Variants in CSE1L observed in about 807,000 individuals in gnomAD.
The protein encoded by CSE1L is exportin-2.
Under a neutral mutation model 120.4 loss-of-function variants are expected in CSE1L, and 24 were observed. The ratio of observed to expected loss-of-function variants is 0.20; its 90% confidence interval spans 0.14 to 0.28. CSE1L has a LOEUF of 0.28. CSE1L is among the 10% of genes least tolerant of loss of function. The pLI is 1.00. For synonymous variants in CSE1L, 402 were observed against 398.3 expected, an observed-to-expected ratio of 1.01 and a Z score of -0.11; for missense variants, 830 against 1,145.2, an observed-to-expected ratio of 0.72 and a Z score of 3.97.
At chr20:49,086,166 C>G (rs761506323) in intron 16 of CSE1L, among the ~76,000 whole-genome samples, 1 of 152,030 alleles carries the variant, frequency 6.6e-6, no homozygotes, top group Non-Finnish European at 1.5e-5. Context: ...GAGATAGTCT[C>G]AGTGTTTTTC....
intron 14 of CSE1L, among the ~76,000 whole-genome samples, chr20:49,083,011 CT>C (rs11478194): frequency 0.1 from 14,803 of 146,326 alleles, 982 homozygotes; most frequent in African/African-American, 0.19. Context: ...TCCTTAACAT[CT>C]TTTTTTTTTT....
intron 21 of CSE1L, 47 bp from the exon 22 acceptor site, chr20:49,091,999 T>G (rs752923271): frequency 9.9e-7 from 1 of 1,011,638 alleles, no homozygotes; most frequent in East Asian, 2.4e-5. Flanking sequence ...GTTACCAGTT[T>G]AGTGCGTGAG....
At chr20:49,046,836 C>A (rs996550169) in intron 1 of CSE1L, among the ~76,000 whole-genome samples, 5 of 152,234 alleles carry the variant, frequency 3.3e-5, no homozygotes, top group Admixed American at 3.3e-4. Context: ...CTGCTAGCCG[C>A]GCGAGCTGAG....
intron 1 of CSE1L, among the ~76,000 whole-genome samples, chr20:49,055,297 A>G (rs1485236700): frequency 1.3e-5 from 2 of 152,036 alleles, no homozygotes; most frequent in Non-Finnish European, 2.9e-5. Context: ...TTATTTTTGG[A>G]TTTCATCACT....
At chr20:49,078,296 G>T (rs977356553) in intron 13 of CSE1L, among the ~76,000 whole-genome samples, 1 of 152,110 alleles carries the variant, frequency 6.6e-6, no homozygotes, top group Non-Finnish European at 1.5e-5. Flanking sequence ...GGGAATGTAG[G>T]TAGACATGCT....
At position 49,065,304 on chromosome 20, in the gene CSE1L, GAAAA is replaced by G. The variant is rs73623295; in HGVS notation, c.229-882_229-879del. ...GTCCTGATTAGTTTACATATGAAATGAAAAAAAAATTTTTTTTTTTTTTTTTTTT... is the reference window on the plus strand; with the variant it reads ...GTCCTGATTAGTTTACATATGAAATGAAAAATTTTTTTTTTTTTTTTTTTT... On this transcript the variant is annotated intron_variant, in intron 3 of 24. Coordinates refer to ENST00000262982, the MANE Select transcript of CSE1L (RefSeq NM_001316.4). Among the ~76,000 whole-genome samples the G allele has an allele frequency of 1.6e-3, 115 of 73,166 alleles. 1 individual carries two copies. Among genetic ancestry groups the G allele is most frequent in the African/African-American group, 4.5e-3 (96 of 21,428 alleles). The allele number at this position is 73,166 out of a possible 152,430, so 48.0% of individuals were successfully genotyped here. A position where few individuals can be genotyped will look rare whatever the true frequency, so the allele number is the denominator to read the frequency against.
At chr20:49,047,628 G>A (rs776499957) in intron 1 of CSE1L, among the ~76,000 whole-genome samples, 1 of 124,430 alleles carries the variant, frequency 8.0e-6, no homozygotes, top group Non-Finnish European at 1.6e-5. Flanking sequence ...CCAGGCTGGA[G>A]TGCAGTGGCG....
At chr20:49,095,856 G>A (rs2092135454) in intron 24 of CSE1L, among the ~76,000 whole-genome samples, 3 of 151,894 alleles carry the variant, frequency 2.0e-5, no homozygotes, top group African/African-American at 4.8e-5. Context: ...GCGAGGTCCC[G>A]TTTCTTAAAA....
chr20:49,073,038 GTC>G (rs1476878205), intron 10 of CSE1L, among the ~76,000 whole-genome samples: 1 of 152,026 alleles, frequency 6.6e-6, no homozygotes, highest in Non-Finnish European at 1.5e-5. Context: ...TGAGACAGGG[GTC>G]TCGCTCTGTC....
At chr20:49,050,459 A>G (rs905773749) in intron 1 of CSE1L, among the ~76,000 whole-genome samples, 3 of 143,068 alleles carry the variant, frequency 2.1e-5, no homozygotes, top group Non-Finnish European at 3.0e-5. Context: ...CTAGAGTGCA[A>G]TGGTGCAGTC....
intron 8 of CSE1L, among the ~76,000 whole-genome samples, chr20:49,070,966 C>T (rs1478946896): frequency 6.6e-6 from 1 of 151,996 alleles, no homozygotes; most frequent in Non-Finnish European, 1.5e-5. Flanking sequence ...TTATCCACAG[C>T]TCGAGAAAGA....
At chr20:49,051,962 C>G (rs921251837) in intron 1 of CSE1L, among the ~76,000 whole-genome samples, 1 of 152,206 alleles carries the variant, frequency 6.6e-6, no homozygotes, top group African/African-American at 2.4e-5. Flanking sequence ...TTCCAAAGCG[C>G]TGGGATTACA....
At chr20:49,080,532 A>C (rs1159039783) in intron 14 of CSE1L, among the ~76,000 whole-genome samples, 3 of 152,070 alleles carry the variant, frequency 2.0e-5, no homozygotes, top group Non-Finnish European at 4.4e-5. Context: ...TTGCCCAGGC[A>C]ATGGAACGAT....
chr20:49,066,389 G>A lies in CSE1L; in HGVS notation c.355G>A (p.Gly119Ser). The A allele has an allele frequency of 6.2e-7, 1 of 1,614,144 alleles. No individual in the cohort carries two copies. The highest frequency in any genetic ancestry group is 1.1e-5 in the South Asian group (1 of 91,078). The change falls in exon 5 of 25, where the codon GGC (glycine) becomes AGC (serine). Residue 119 changes from glycine (G) to serine (S), a missense_variant. By Grantham distance (56) the Gly-to-Ser change is moderately conservative. Around this residue, in one of 4 missense-constraint regions of CSE1L, gnomAD observed 543 missense variants for 640.2 expected, o/e 0.85. Transcript: ENST00000262982. ...KQLSDAISII[G>S]REDFPQKWPD... ...GTTAAGTGATGCAATTAGCATTATTGGCAGAGAAGATTTTCCACAGAAATG... is the reference window on the plus strand; with the variant it reads ...GTTAAGTGATGCAATTAGCATTATTAGCAGAGAAGATTTTCCACAGAAATG...
intron 1 of CSE1L, among the ~76,000 whole-genome samples, chr20:49,046,847 T>A (rs191001661): frequency 1.9e-4 from 29 of 152,324 alleles, no homozygotes; most frequent in Admixed American, 1.8e-3. Flanking sequence ...GCGAGCTGAG[T>A]GTGCGGCGGC....
At chr20:49,051,582 C>A (rs934049584) in intron 1 of CSE1L, among the ~76,000 whole-genome samples, 1 of 152,226 alleles carries the variant, frequency 6.6e-6, no homozygotes, top group Non-Finnish European at 1.5e-5. Flanking sequence ...ATGAAGTGGG[C>A]AGTGCAAACC....
chr20:49,086,614 C>A (rs1468785674), intron 16 of CSE1L, among the ~76,000 whole-genome samples: 2 of 152,146 alleles, frequency 1.3e-5, no homozygotes, highest in African/African-American at 2.4e-5. Flanking sequence ...ATCCACCCGC[C>A]TCAGCCTCCC....
rs985672881 is a variant in CSE1L, at chr20:49,079,220, TA to T, written c.1482+606del. 1.5e-4 allele frequency among the ~76,000 whole-genome samples: 22 copies of T among 150,510 alleles called. 1 individual carries two copies. Among genetic ancestry groups the T allele is most frequent in the African/African-American group, 4.2e-4 (17 of 40,910 alleles). ...CTTCCTTTCCTTTTATTTATTTATT[TA>T]AAAAAAATTTTTTTTTATTTTTTTG... On this transcript the variant is annotated intron_variant, in intron 14 of 24. Transcript: ENST00000262982.
In CSE1L at chr20:49,089,719, A is replaced by C. The variant is rs1307599623; in HGVS notation, c.2154A>C (p.Thr718=). The C allele has an allele frequency of 1.2e-6, 2 of 1,614,226 alleles. No individual in the cohort carries two copies. Among genetic ancestry groups the C allele is most frequent in the Non-Finnish European group, 8.5e-7 (1 of 1,180,024 alleles). Residue 718 remains threonine, a synonymous_variant, in exon 19 of 25, where the codon ACA becomes ACC. Coordinates refer to ENST00000262982, the MANE Select transcript of CSE1L (RefSeq NM_001316.4). The stretch of plus-strand genomic sequence containing the variant: ...CATTCTTAGAACGCGGTTCAAACAC[A>C]ATAGCAAGTGCTGCAGCTGACAAAA... ...LQAFLERGSN[T]IASAAADKIP... is the part of the protein sequence containing the mutation.
Sources: allele counts gnomAD v4.1 joint callset (sites outside exome capture counted in the v4.1 genomes callset), GRCh38; gene constraint gnomAD v4.1.1; regional missense constraint gnomAD v4.1.1; transcripts MANE v1.5; gene names NCBI Gene and HGNC (gene_info 2026-07-23, HGNC 2026-07-21).